Variants in GNG7 observed in about 807,000 individuals in gnomAD.
GNG7 encodes G protein subunit gamma 7.
In GNG7, 1 loss-of-function variant was observed where a neutral mutation model predicts 4.0. The ratio of observed to expected loss-of-function variants is 0.25; its 90% CI spans 0.09 to 1.18. The LOEUF is 1.18. GNG7 is among the 50% of genes most tolerant of loss of function. The pLI, the probability that GNG7 is intolerant of heterozygous loss-of-function variation, is 0.50. For synonymous variants in GNG7, 34 were observed against 36.9 expected (o/e 0.92, Z 0.29); for missense variants, 86 against 91.9 (o/e 0.94, Z 0.26).
At chr19:2,524,360 T>C (rs1014316201) in intron 3 of GNG7, among the ~76,000 whole-genome samples, 1 of 152,260 alleles carries the variant, frequency 6.6e-6, no homozygotes, top group Non-Finnish European at 1.5e-5. Context: ...TATTTGCATG[T>C]ATGTCAATGA....
chr19:2,641,815 C>T (rs970935443), intron 2 of GNG7: 5 of 134,974 alleles, frequency 3.7e-5, no homozygotes, highest in Admixed American at 2.2e-4. Context: ...ATGCACACCA[C>T]CACACCTGGC....
chr19:2,682,289 A>C (rs959970670), intron 1 of GNG7, among the ~76,000 whole-genome samples: 4 of 152,162 alleles, frequency 2.6e-5, no homozygotes, highest in African/African-American at 9.7e-5. Flanking sequence ...TTACCTGGAA[A>C]AATGTGCAAG....
chr19:2,642,678 A>C (rs1010699851), intron 2 of GNG7: 3 of 401,898 alleles, frequency 7.5e-6, no homozygotes. Context: ...TTTTCTGTAG[A>C]GTTTAGGATA....
intron 1 of GNG7, among the ~76,000 whole-genome samples, chr19:2,673,267 A>AG (rs1568281145): frequency 7.2e-6 from 1 of 138,044 alleles, no homozygotes; most frequent in Non-Finnish European, 1.5e-5. Context: ...CAAAAAAAAA[A>AG]CAAAACAAAA....
At chr19:2,661,789 C>A (rs905754988) in intron 1 of GNG7, among the ~76,000 whole-genome samples, 5 of 152,112 alleles carry the variant, frequency 3.3e-5, no homozygotes, top group African/African-American at 1.2e-4. Context: ...CCTCCACCAA[C>A]AGCCACATGA....
chr19:2,659,592 T>TAAAAAAAAAAA (rs879035849), intron 1 of GNG7, among the ~76,000 whole-genome samples: 15 of 43,468 alleles, frequency 3.5e-4, no homozygotes, highest in African/African-American at 4.3e-4. Context: ...GACTCCATCT[T>TAAAAAAAAAAA]AAAAAAAAAA....
At position 2,673,934 on chromosome 19, in the gene GNG7, T is replaced by C. The variant is rs549600099; in HGVS notation, c.-134-27654A>G. ...AATTTGTTACACAGAATTAGCTAAC[T>C]AATATAGGCTGTTTCCAAAATTCAA... On this transcript the variant is annotated intron_variant, in intron 1 of 4. Coordinates refer to ENST00000382159, the MANE Select transcript of GNG7 (RefSeq NM_052847.3). Among the ~76,000 whole-genome samples, 55 of 152,264 alleles carry C rather than the reference T, an allele frequency of 3.6e-4. 2 individuals carry two copies. In the East Asian group the frequency reaches 6.8e-3, roughly 19 times the overall value.
Position 2,511,854 on chromosome 19 carries a change from G to A in GNG7, c.*3168C>T. The A allele has an allele frequency of 1.0e-6, 1 of 986,182 alleles. No individual in the cohort carries two copies. Among genetic ancestry groups the A allele is most frequent in the Non-Finnish European group, 1.2e-6 (1 of 830,176 alleles). 61.1% of individuals were successfully genotyped at this position (986,182 alleles called of 1,614,324 possible). ...TTGGCCTGGGGTTACCCCTGGGGAGGGTGGGAGAGGGGTGAGGGTTCTGGC... is the reference window on the plus strand; with the variant it reads ...TTGGCCTGGGGTTACCCCTGGGGAGAGTGGGAGAGGGGTGAGGGTTCTGGC... On this transcript the variant is annotated 3_prime_UTR_variant, in exon 5 of 5. Coordinates refer to ENST00000382159, the MANE Select transcript of GNG7 (RefSeq NM_052847.3). The surrounding 1 kb of genome is among the most constrained non-coding windows in gnomAD (Gnocchi z 6.3).
At position 2,514,375 on chromosome 19, in the gene GNG7, A is replaced by C. The variant is rs917415; in HGVS notation, c.*647T>G. 0.53 allele frequency: 80,555 copies of C among 152,390 alleles called. 21,429 individuals carry two copies. Among genetic ancestry groups the C allele is most frequent in the East Asian group, 0.58 (2,985 of 5,152 alleles). 9.4% of individuals were successfully genotyped at this position (152,390 alleles called of 1,614,324 possible). A position where few individuals can be genotyped will look rare whatever the true frequency, so the allele number is the denominator to read the frequency against. On this transcript the variant is annotated 3_prime_UTR_variant, in exon 5 of 5. Transcript: ENST00000382159. ...ACTTTTCATAGACGAAGCCCCCTCC[A>C]GACCCCCACACTCCATCGTGCATTC...
chr19:2,673,279 A>G (rs1983510397), intron 1 of GNG7, among the ~76,000 whole-genome samples: 1 of 148,268 alleles, frequency 6.7e-6, no homozygotes, highest in Non-Finnish European at 1.5e-5. Flanking sequence ...AAAACAAAAC[A>G]AAACAAAACA....
At chr19:2,529,068 T>A (rs940283475) in intron 3 of GNG7, among the ~76,000 whole-genome samples, 3 of 152,144 alleles carry the variant, frequency 2.0e-5, no homozygotes, top group Non-Finnish European at 4.4e-5. Flanking sequence ...CAGCAGGGAA[T>A]TGCAACAGCC....
chr19:2,552,670 C>T (rs1599386313), intron 3 of GNG7, among the ~76,000 whole-genome samples: 2 of 151,662 alleles, frequency 1.3e-5, no homozygotes, highest in African/African-American at 4.8e-5. Context: ...TAGGCGTGAG[C>T]CACCACACCC....
intron 1 of GNG7, among the ~76,000 whole-genome samples, chr19:2,698,567 A>G (rs1913327235): frequency 6.6e-6 from 1 of 151,948 alleles, no homozygotes; most frequent in Non-Finnish European, 1.5e-5. Context: ...GTGTTTCAAA[A>G]AAGAAAAAAA....
At position 2,670,241 on chromosome 19, in the gene GNG7, C is replaced by T. The variant is rs867074309; in HGVS notation, c.-134-23961G>A. On this transcript the variant is annotated intron_variant, in intron 1 of 4. Transcript: ENST00000382159. ...GTCTGGTGCAGCCTGGTTCTGGCCACGGAGACCCACCCTCCCCTCAGCCTG... is the reference window on the plus strand; with the variant it reads ...GTCTGGTGCAGCCTGGTTCTGGCCATGGAGACCCACCCTCCCCTCAGCCTG... Among the ~76,000 whole-genome samples, 25 of 152,258 alleles carry T rather than the reference C, an allele frequency of 1.6e-4. 1 individual carries two copies. The Middle Eastern group carries it at 0.014, about 83-fold the overall frequency.
intron 3 of GNG7, among the ~76,000 whole-genome samples, chr19:2,533,323 T>C (rs1010381158): frequency 6.6e-6 from 1 of 151,740 alleles, no homozygotes; most frequent in Non-Finnish European, 1.5e-5. Context: ...TAGAGGTGCA[T>C]ATTATATAAT....
intron 2 of GNG7, among the ~76,000 whole-genome samples, chr19:2,577,608 G>T (rs1031712176): frequency 6.6e-6 from 1 of 151,378 alleles, no homozygotes; most frequent in Non-Finnish European, 1.5e-5. Context: ...GGCTGAGGCA[G>T]GAAAATTGCT....
chr19:2,659,592 T>TAAAAAAA (rs879035849), intron 1 of GNG7, among the ~76,000 whole-genome samples: 4,611 of 43,282 alleles, frequency 0.11, 395 homozygotes, highest in African/African-American at 0.12. Context: ...GACTCCATCT[T>TAAAAAAA]AAAAAAAAAA....
intron 4 of GNG7, among the ~76,000 whole-genome samples, chr19:2,520,253 G>A (rs757519817): frequency 9.9e-5 from 15 of 152,274 alleles, no homozygotes; most frequent in Middle Eastern, 6.8e-3. Flanking sequence ...GTCTCCTCCC[G>A]CCTGGGACTG....
chr19:2,676,221 A>T (rs1983589990), intron 1 of GNG7, among the ~76,000 whole-genome samples: 1 of 152,194 alleles, frequency 6.6e-6, no homozygotes, highest in African/African-American at 2.4e-5. Context: ...TCTGGCTTCT[A>T]GAACTGCCAG....
Sources: allele counts gnomAD v4.1 joint callset (sites outside exome capture counted in the v4.1 genomes callset), GRCh38; gene constraint gnomAD v4.1.1; non-coding constraint Gnocchi (gnomAD v3.1); transcripts MANE v1.5; gene names NCBI Gene and HGNC (gene_info 2026-07-23, HGNC 2026-07-21).